The following NTRK2 variants were observed in gnomAD, a reference collection of about 807,000 sequenced individuals.
NTRK2 encodes BDNF/NT-3 growth factors receptor.
NTRK2 carries 13 observed loss-of-function variants against 94.5 expected under a neutral mutation model. The ratio of observed to expected loss-of-function variants is 0.14; its 90% CI spans 0.09 to 0.22. NTRK2 has a LOEUF of 0.22. Ranked by LOEUF, NTRK2 falls within the 10% of genes least tolerant of loss-of-function variation. The probability of loss-of-function intolerance (pLI) is 1.00; values close to 1 mark genes in which losing one functional copy is unlikely to be tolerated. For missense variants in NTRK2, 639 were observed against 1,071.2 expected, an observed-to-expected ratio of 0.60 and a Z score of 5.63; for synonymous variants, 372 against 407.4, an observed-to-expected ratio of 0.91 and a Z score of 1.05.
intron 14 of NTRK2, among the ~76,000 whole-genome samples, chr9:84,927,768 A>G (rs7045882): frequency 0.082 from 12,465 of 152,114 alleles, 990 homozygotes; most frequent in African/African-American, 0.21. Context: ...TGCTATGACA[A>G]TTGGTAAGTC....
At chr9:84,724,466 G>A in intron 8 of NTRK2, 110 bp downstream of exon 8, 1 of 1,282,582 alleles carries the variant, frequency 7.8e-7, no homozygotes, top group Non-Finnish European at 1.1e-6. Context: ...AAAAGTATAT[G>A]CAGTGTTTTG....
At chr9:84,775,821 C>G (rs1361738622) in intron 12 of NTRK2, among the ~76,000 whole-genome samples, 1 of 152,168 alleles carries the variant, frequency 6.6e-6, no homozygotes, top group Non-Finnish European at 1.5e-5. Flanking sequence ...TTTCAAAATA[C>G]AGATCTGGGG....
At chr9:84,756,405 CTTCAAAGGG>C (rs1386851076) in intron 12 of NTRK2, among the ~76,000 whole-genome samples, 1 of 152,178 alleles carries the variant, frequency 6.6e-6, no homozygotes, top group African/African-American at 2.4e-5. Context: ...GCTGCCAAGT[CTTCAAAGGG>C]TGCTCCACAT....
intron 2 of NTRK2, among the ~76,000 whole-genome samples, chr9:84,683,702 C>T (rs886870174): frequency 1.3e-5 from 2 of 152,068 alleles, no homozygotes; most frequent in Non-Finnish European, 2.9e-5. Context: ...TGGGTATATA[C>T]CCTTTAATGG....
intron 2 of NTRK2, among the ~76,000 whole-genome samples, chr9:84,695,811 C>T (rs2060343233): frequency 6.6e-6 from 1 of 152,188 alleles, no homozygotes; most frequent in African/African-American, 2.4e-5. Flanking sequence ...CCTCACAGGG[C>T]AAGTGCATGT....
At chr9:84,764,943 A>T (rs950004661) in intron 12 of NTRK2, among the ~76,000 whole-genome samples, 2 of 152,216 alleles carry the variant, frequency 1.3e-5, no homozygotes, top group Non-Finnish European at 2.9e-5. Context: ...ATGTTAAGTT[A>T]AATAAGCCAG....
intron 17 of NTRK2, among the ~76,000 whole-genome samples, chr9:85,007,927 C>T (rs1831145339): frequency 6.6e-6 from 1 of 152,178 alleles, no homozygotes; most frequent in South Asian, 2.1e-4. Flanking sequence ...TACACATAAG[C>T]TCAGCCATTG....
rs200701713 is a variant in NTRK2 at position 84,875,846 on chromosome 9, A to G, written c.1633+8415A>G. ...AGGAGGCCTCTATCAATAGTATGAC[A>G]TCCAATAATATGTTAGTGTTGATAT... On this transcript the variant is annotated intron_variant, in intron 14 of 18. Transcript: ENST00000277120. 1.3e-4 allele frequency: 137 copies of G among 1,043,068 alleles called. 1 individual carries two copies. In the African/African-American group the frequency reaches 2.2e-3, roughly 16 times the overall value. 64.6% of individuals were successfully genotyped at this position (1,043,068 alleles called of 1,614,324 possible).
At chr9:84,895,628 A>G (rs1319143915) in intron 14 of NTRK2, among the ~76,000 whole-genome samples, 2 of 152,234 alleles carry the variant, frequency 1.3e-5, no homozygotes. Context: ...AGTCCTGTTG[A>G]ACCCCTGATG....
At chr9:84,751,371 G>C (rs1326638835) in intron 11 of NTRK2, among the ~76,000 whole-genome samples, 1 of 152,096 alleles carries the variant, frequency 6.6e-6, no homozygotes, top group Non-Finnish European at 1.5e-5. Flanking sequence ...CTTGAGCCCG[G>C]GATTTCAACA....
intron 14 of NTRK2, chr9:84,874,901 C>A (rs2076008580): frequency 9.5e-7 from 1 of 1,056,850 alleles, no homozygotes; most frequent in East Asian, 5.3e-5. Flanking sequence ...TTGGTATAGG[C>A]CCAATGATTT....
At chr9:84,838,916 T>A (rs189251245) in intron 12 of NTRK2, among the ~76,000 whole-genome samples, 2 of 152,072 alleles carry the variant, frequency 1.3e-5, no homozygotes, top group East Asian at 3.9e-4. Context: ...TTTTTTACAA[T>A]GTTTTGCTAT....
At chr9:84,673,950 A>G (rs527352823) in intron 2 of NTRK2, among the ~76,000 whole-genome samples, 71 of 152,368 alleles carry the variant, frequency 4.7e-4, no homozygotes, top group Non-Finnish European at 7.8e-4. Context: ...CGCAGTACCA[A>G]TGTCACATGC....
intron 2 of NTRK2, among the ~76,000 whole-genome samples, chr9:84,685,317 T>C (rs2059642074): frequency 6.6e-6 from 1 of 152,098 alleles, no homozygotes; most frequent in African/African-American, 2.4e-5. Context: ...CATTAATCAG[T>C]CTGTCTATTT....
chr9:84,698,399 AT>A (rs2060520834), intron 2 of NTRK2, among the ~76,000 whole-genome samples: 3 of 151,950 alleles, frequency 2.0e-5, no homozygotes, highest in Admixed American at 2.0e-4. Flanking sequence ...ATATATATAT[AT>A]ATCACCTTAT....
chr9:84,745,909 TC>T (rs1433854767), intron 11 of NTRK2, among the ~76,000 whole-genome samples: 2 of 152,158 alleles, frequency 1.3e-5, no homozygotes, highest in Non-Finnish European at 2.9e-5. Context: ...AGTCACATGA[TC>T]CCAGGGGTCT....
chr9:84,961,927 G>A (rs1443442), intron 17 of NTRK2, among the ~76,000 whole-genome samples: 19,618 of 152,206 alleles, frequency 0.13, 1,476 homozygotes, highest in African/African-American at 0.2. Flanking sequence ...GAGGAAGACA[G>A]AAAGTAGGAT....
At chr9:84,957,843 T>G (rs1262931712) in intron 17 of NTRK2, among the ~76,000 whole-genome samples, 1 of 152,278 alleles carries the variant, frequency 6.6e-6, no homozygotes, top group Non-Finnish European at 1.5e-5. Context: ...AACAAGTTTA[T>G]TGTCCATCAA....
chr9:84,668,874 C>G (rs764412678), upstream of NTRK2: 4 of 152,200 alleles, frequency 2.6e-5, no homozygotes, highest in African/African-American at 9.7e-5. Flanking sequence ...GGCTACATCC[C>G]GTCAGGTTAA....
Sources: gnomAD v4.1 joint callset for allele counts (sites outside exome capture counted in the v4.1 genomes callset) on GRCh38, gnomAD v4.1.1 for gene constraint, MANE v1.5 for transcripts, NCBI Gene and HGNC (gene_info 2026-07-23, HGNC 2026-07-21) for gene names.